Variants in MAPK14 observed in about 807,000 individuals in gnomAD.
The protein encoded by MAPK14 is CSAID-binding protein.
MAPK14 carries 16 observed loss-of-function variants against 49.6 expected under a neutral mutation model. That is an observed-to-expected ratio of 0.32 (90% CI 0.22 to 0.49). The LOEUF is 0.49. Among genes scored for constraint, MAPK14 ranks in the 20% least tolerant of loss-of-function variants. MAPK14 has a pLI of 0.99. For missense variants in MAPK14, 200 were observed against 441.2 expected, an observed-to-expected ratio of 0.45 and a Z score of 4.90; for synonymous variants, 142 against 158.0, an observed-to-expected ratio of 0.90 and a Z score of 0.76.
At chr6:36,087,817 C>T (rs1282652800) in intron 8 of MAPK14, among the ~76,000 whole-genome samples, 2 of 152,050 alleles carry the variant, frequency 1.3e-5, no homozygotes, top group Admixed American at 6.5e-5. Flanking sequence ...AAAAAGAGTC[C>T]ATATAGCCCA....
At chr6:36,076,723 T>A in intron 8 of MAPK14, 115 bp downstream of exon 8, 1 of 654,970 alleles carries the variant, frequency 1.5e-6, no homozygotes, top group Non-Finnish European at 2.5e-6. Context: ...TTTTATAGTC[T>A]AGATAATGCA....
chr6:36,030,718 A>G (rs1054572685), intron 1 of MAPK14, among the ~76,000 whole-genome samples: 1 of 151,774 alleles, frequency 6.6e-6, no homozygotes, highest in Non-Finnish European at 1.5e-5. Context: ...ATTCAGTGAA[A>G]AGTCTCCTTT....
chr6:36,122,469 T>C, the MAPK14 span, among the ~76,000 whole-genome samples: 1 of 152,226 alleles, frequency 6.6e-6, no homozygotes, highest in Non-Finnish European at 1.5e-5. Context: ...GATAAGGCCC[T>C]GCTACATCCC....
intron 10 of MAPK14, among the ~76,000 whole-genome samples, chr6:36,104,820 G>A (rs1765753760): frequency 6.6e-6 from 1 of 152,154 alleles, no homozygotes; most frequent in African/African-American, 2.4e-5. Flanking sequence ...TTTTTAGGGG[G>A]AGAGGGGAGA....
the MAPK14 span, among the ~76,000 whole-genome samples, chr6:36,117,385 C>T: frequency 6.6e-6 from 1 of 152,108 alleles, no homozygotes; most frequent in African/African-American, 2.4e-5. Context: ...CGTGATAGTC[C>T]CTCTCTCTAG....
At chr6:36,043,383 T>C (rs1396067560) in intron 1 of MAPK14, among the ~76,000 whole-genome samples, 2 of 152,210 alleles carry the variant, frequency 1.3e-5, no homozygotes, top group Non-Finnish European at 2.9e-5. Context: ...GAATATTTTT[T>C]GAGGTTCCTA....
At position 36,066,691 on chromosome 6, in the gene MAPK14, A is replaced by G. The variant is rs1029715612; in HGVS notation, c.306-6182A>G. On this transcript the variant is annotated intron_variant, in intron 3 of 11. Coordinates refer to ENST00000229794, the MANE Select transcript of MAPK14 (RefSeq NM_139012.3). ...TGGAGAGTGTTAAATGAGAATAACT[A>G]TTGATACTTCTTTTGTACTTGGATA... is the stretch of plus-strand genomic sequence containing the variant. 3.9e-5 allele frequency among the ~76,000 whole-genome samples: 6 copies of G among 152,204 alleles called. 1 individual carries two copies. In the East Asian group the frequency reaches 1.2e-3, roughly 29 times the overall value.
intron 1 of MAPK14, among the ~76,000 whole-genome samples, chr6:36,032,358 T>TG (rs1395635024): frequency 4.6e-5 from 7 of 152,232 alleles, no homozygotes; most frequent in Admixed American, 2.6e-4. Flanking sequence ...GACTAGGTCT[T>TG]GCAGTTTTAA....
Position 36,107,509 on chromosome 6 carries a change from C to T in MAPK14, c.896C>T (p.Ala299Val), listed in dbSNP as rs1765835426. ...TTGGACTCAGATAAGAGAATTACAG[C>T]GGCCCAAGCCCTTGCACATGCCTAC... ...LVLDSDKRIT[A>V]AQALAHAYFA... Residue 299 changes from alanine (A) to valine (V), a missense_variant, in exon 11 of 12, where the codon GCG (alanine) becomes GTG (valine). Ala to Val is a moderately conservative substitution (Grantham distance 64). Coordinates refer to ENST00000229794, the MANE Select transcript of MAPK14 (RefSeq NM_139012.3). The surrounding 1 kb of genome is among the most constrained non-coding windows in gnomAD (Gnocchi z 4.3). 5 of 1,594,040 alleles carry T rather than the reference C, an allele frequency of 3.1e-6. No homozygotes were observed. The highest frequency in any genetic ancestry group is 4.3e-6 in the Non-Finnish European group (5 of 1,170,588).
the MAPK14 span, among the ~76,000 whole-genome samples, chr6:36,120,493 T>C: frequency 1.3e-4 from 20 of 151,826 alleles, no homozygotes; most frequent in Admixed American, 2.6e-4. Flanking sequence ...CCAAGCAGTG[T>C]GTTTCCTTTT....
intron 1 of MAPK14, among the ~76,000 whole-genome samples, chr6:36,047,255 A>G (rs139222977): frequency 6.3e-4 from 96 of 152,342 alleles, no homozygotes; most frequent in African/African-American, 2.2e-3. Flanking sequence ...GCAGGTGACT[A>G]TTTAAACCAA....
At chr6:36,050,556 A>G (rs1373254494) in intron 1 of MAPK14, among the ~76,000 whole-genome samples, 1 of 152,246 alleles carries the variant, frequency 6.6e-6, no homozygotes, top group Non-Finnish European at 1.5e-5. Flanking sequence ...GAAGTTGCCA[A>G]GAATGATGAC....
At chr6:36,063,713 A>C (rs1047149184) in intron 3 of MAPK14, among the ~76,000 whole-genome samples, 7 of 152,240 alleles carry the variant, frequency 4.6e-5, no homozygotes, top group African/African-American at 1.7e-4. Flanking sequence ...GTGCATTTTG[A>C]ACATTAGGAA....
chr6:36,105,015 A>T (rs1260676564), intron 10 of MAPK14, among the ~76,000 whole-genome samples: 2 of 152,186 alleles, frequency 1.3e-5, no homozygotes, highest in Admixed American at 1.3e-4. Context: ...CTTACAGCCC[A>T]TTGCCAAACA....
At chr6:36,096,331 A>G (rs1224928172) in intron 9 of MAPK14, 1 of 352,074 alleles carries the variant, frequency 2.8e-6, no homozygotes, top group African/African-American at 2.1e-5. Flanking sequence ...ATCCCAGTAA[A>G]GCAATGAGAT....
intron 1 of MAPK14, among the ~76,000 whole-genome samples, chr6:36,045,079 G>A (rs1275913821): frequency 6.6e-6 from 1 of 151,864 alleles, no homozygotes; most frequent in African/African-American, 2.4e-5. Flanking sequence ...GCTGCAGTGA[G>A]CCATGATTAC....
rs61763102 is a variant in MAPK14, at chr6:36,028,791, C to G, written c.116+518C>G. Among the ~76,000 whole-genome samples, 3 of 100,388 alleles carry G rather than the reference C, an allele frequency of 3.0e-5. No homozygotes were observed. The East Asian group carries it at 1.0e-3, about 35-fold the overall frequency. The allele number at this position is 100,388 out of a possible 152,430, so 65.9% of individuals were successfully genotyped here. A position where few individuals can be genotyped will look rare whatever the true frequency, so the allele number is the denominator to read the frequency against. ...ACCAGGAAGGGAGCTCTCTCCGGGCCTTTTTTTTTTTTTTTTTTTTTCAAA... is the reference window on the plus strand; with the variant it reads ...ACCAGGAAGGGAGCTCTCTCCGGGCGTTTTTTTTTTTTTTTTTTTTTCAAA... On this transcript the variant is annotated intron_variant, in intron 1 of 11. Coordinates refer to ENST00000229794, the MANE Select transcript of MAPK14 (RefSeq NM_139012.3). The surrounding 1 kb of genome is among the most constrained non-coding windows in gnomAD (Gnocchi z 5.1).
chr6:36,044,543 T>TATAA (rs1763096742), intron 1 of MAPK14, among the ~76,000 whole-genome samples: 1 of 152,160 alleles, frequency 6.6e-6, no homozygotes, highest in South Asian at 2.1e-4. Context: ...CATCATGGAA[T>TATAA]ATAAACACAA....
chr6:36,073,833 G>A, intron 5 of MAPK14, 113 bp downstream of exon 5: 6 of 1,149,060 alleles, frequency 5.2e-6, no homozygotes, highest in Middle Eastern at 4.0e-4. Context: ...TTGATTGATT[G>A]CAACTTTACT....
Sources: gnomAD v4.1 joint callset for allele counts (sites outside exome capture counted in the v4.1 genomes callset) on GRCh38, gnomAD v4.1.1 for gene constraint, Gnocchi (gnomAD v3.1) non-coding constraint, MANE v1.5 for transcripts, NCBI Gene and HGNC (gene_info 2026-07-23, HGNC 2026-07-21) for gene names.